The following MAL variants were observed in gnomAD, a reference collection of about 807,000 sequenced individuals.
MAL encodes myelin and lymphocyte protein.
A neutral mutation model predicts 16.7 loss-of-function variants in MAL; 5 were observed. The ratio of observed to expected loss-of-function variants is 0.30; its 90% CI spans 0.16 to 0.63. The LOEUF (loss-of-function observed/expected upper bound fraction) is 0.63. MAL is among the 30% of genes least tolerant of loss of function. MAL has a pLI of 0.82. For synonymous variants in MAL, 96 were observed against 85.5 expected, an observed-to-expected ratio of 1.12 and a Z score of -0.67; for missense variants, 202 against 195.8, an observed-to-expected ratio of 1.03 and a Z score of -0.19.
At chr2:95,030,424 T>C (rs1158950637) in intron 1 of MAL, among the ~76,000 whole-genome samples, 2 of 152,172 alleles carry the variant, frequency 1.3e-5, no homozygotes, top group African/African-American at 4.8e-5. Flanking sequence ...AACTTTTCCT[T>C]TTGGAGCCAC....
intron 1 of MAL, among the ~76,000 whole-genome samples, chr2:95,039,910 C>G (rs1674402948): frequency 6.6e-6 from 1 of 152,160 alleles, no homozygotes; most frequent in Admixed American, 6.5e-5. Context: ...TCCTCCCTCT[C>G]AGATGCATTT....
At chr2:95,049,798 T>C in intron 3 of MAL, 92 bp downstream of exon 3, 5 of 1,537,654 alleles carry the variant, frequency 3.3e-6, no homozygotes, top group Non-Finnish European at 2.6e-6. Flanking sequence ...TGGTCTGTTT[T>C]CAGTTCACTA....
chr2:95,033,959 C>T (rs1328591873), intron 1 of MAL, among the ~76,000 whole-genome samples: 1 of 152,212 alleles, frequency 6.6e-6, no homozygotes, highest in Non-Finnish European at 1.5e-5. Context: ...GACATAGCAG[C>T]ACCTGCCTCA....
At chr2:95,035,112 G>A (rs944294507) in intron 1 of MAL, among the ~76,000 whole-genome samples, 3 of 152,182 alleles carry the variant, frequency 2.0e-5, no homozygotes, top group Non-Finnish European at 2.9e-5. Flanking sequence ...AGAGACTCTG[G>A]GAGTTCCATC....
At chr2:95,038,776 G>A (rs1457730898) in intron 1 of MAL, among the ~76,000 whole-genome samples, 2 of 151,136 alleles carry the variant, frequency 1.3e-5, no homozygotes, top group Non-Finnish European at 3.0e-5. Flanking sequence ...GACTGAGTGA[G>A]TGAGCAAGTG....
chr2:95,040,928 G>C (rs1674447511), intron 1 of MAL, among the ~76,000 whole-genome samples: 1 of 152,212 alleles, frequency 6.6e-6, no homozygotes, highest in African/African-American at 2.4e-5. Flanking sequence ...CGTGCTCGGT[G>C]CTGTTGGGAA....
intron 1 of MAL, among the ~76,000 whole-genome samples, chr2:95,031,867 G>C (rs1674091039): frequency 6.6e-6 from 1 of 152,238 alleles, no homozygotes; most frequent in Non-Finnish European, 1.5e-5. Context: ...AGATTTCACA[G>C]GGGTTTGGTG....
intron 1 of MAL, among the ~76,000 whole-genome samples, chr2:95,031,297 T>C (rs1200364646): frequency 2.6e-5 from 4 of 152,136 alleles, no homozygotes; most frequent in Admixed American, 6.5e-5. Context: ...CTGGCAGCTC[T>C]GGGCAAGGCT....
At chr2:95,052,250 G>A (rs1312017405) in intron 3 of MAL, among the ~76,000 whole-genome samples, 2 of 152,186 alleles carry the variant, frequency 1.3e-5, no homozygotes, top group East Asian at 1.9e-4. Flanking sequence ...CCAGCTCTAC[G>A]TGTTCCCAGT....
At chr2:95,039,867 C>A (rs755346815) in intron 1 of MAL, among the ~76,000 whole-genome samples, 13 of 152,084 alleles carry the variant, frequency 8.5e-5, no homozygotes, top group Non-Finnish European at 1.6e-4. Flanking sequence ...CGGTGTTACT[C>A]CTTGCCTCTC....
intron 1 of MAL, among the ~76,000 whole-genome samples, chr2:95,038,851 AGTGACTGAGTG>A (rs1470825570): frequency 8.2e-5 from 1 of 12,122 alleles, no homozygotes; most frequent in African/African-American, 6.6e-4. Context: ...TGAATGACCG[AGTGACTGAGTG>A]AGTGACTGAG....
intron 1 of MAL, among the ~76,000 whole-genome samples, chr2:95,039,224 GTGAGTGAC>G (rs1349822178): frequency 6.6e-6 from 1 of 150,654 alleles, no homozygotes; most frequent in Admixed American, 6.6e-5. Flanking sequence ...GAGTGAGTGA[GTGAGTGAC>G]TGAGTGACTG....
chr2:95,051,246 G>A (rs1236223502), intron 3 of MAL: 1 of 152,196 alleles, frequency 6.6e-6, no homozygotes, highest in Non-Finnish European at 1.5e-5. Context: ...CCCACAGCTT[G>A]ATGGATTTCA....
At chr2:95,048,872 A>G (rs1003881371) in intron 2 of MAL, among the ~76,000 whole-genome samples, 1 of 152,190 alleles carries the variant, frequency 6.6e-6, no homozygotes, top group Non-Finnish European at 1.5e-5. Context: ...GCTGGAGTGC[A>G]GTGGCGCAAT....
In MAL at chr2:95,048,089, T is replaced by C. The variant is rs756706491; in HGVS notation, c.224T>C (p.Ile75Thr). ...ATTTLIILYI[I>T]GAHGGETSWV... ...ACCACCTTGATCATCCTGTACATAATTGGAGCCCACGGTGGAGAGACTTCC... is the reference window on the plus strand; with the variant it reads ...ACCACCTTGATCATCCTGTACATAACTGGAGCCCACGGTGGAGAGACTTCC... Residue 75 changes from isoleucine to threonine, a missense_variant, in exon 2 of 4, where the codon ATT becomes ACT. Ile to Thr is a moderately conservative substitution (Grantham distance 89). Transcript: ENST00000309988. The C allele has an allele frequency of 1.5e-5, 25 of 1,613,734 alleles. 1 individual carries two copies. The highest frequency in any genetic ancestry group is 1.4e-4 in the South Asian group (13 of 91,082).
At chr2:95,038,239 A>AGTGT (rs1400731054) in intron 1 of MAL, among the ~76,000 whole-genome samples, 1 of 13,220 alleles carries the variant, frequency 7.6e-5, no homozygotes, top group African/African-American at 5.4e-4. Context: ...TGAGTGACTG[A>AGTGT]GTGTGTGAGT....
intron 1 of MAL, among the ~76,000 whole-genome samples, chr2:95,036,421 G>A (rs554300779): frequency 2.8e-4 from 43 of 152,334 alleles, no homozygotes; most frequent in African/African-American, 9.1e-4. Flanking sequence ...ACTTTCACCA[G>A]GCCTGAATCC....
rs201101400 is a variant in MAL, at chr2:95,049,500, CG to C, written c.262-76del. The C allele has an allele frequency of 8.3e-6, 12 of 1,452,006 alleles. 1 individual carries two copies. The highest frequency in any genetic ancestry group is 3.7e-4 in the Middle Eastern group (2 of 5,346). The allele number at this position is 1,452,006 out of a possible 1,614,324, so 89.9% of individuals were successfully genotyped here. ...AGGAAGTGGGGGGAGAGGCAAGGGGCGGGGGTGGAGGGGACCTCAGCTCTGC... is the reference window on the plus strand; with the variant it reads ...AGGAAGTGGGGGGAGAGGCAAGGGGCGGGGTGGAGGGGACCTCAGCTCTGC... On this transcript the variant is annotated intron_variant, in intron 2 of 3. Coordinates refer to ENST00000309988, the MANE Select transcript of MAL (RefSeq NM_002371.4).
chr2:95,025,828 G>C lies in MAL; in HGVS notation c.36G>C (p.Leu12=). 1 of 1,578,070 alleles carries C rather than the reference G, an allele frequency of 6.3e-7. No individual in the cohort carries two copies. The highest frequency in any genetic ancestry group is 8.6e-7 in the Non-Finnish European group (1 of 1,162,700). Residue 12 remains leucine (L), a synonymous_variant, in exon 1 of 4, where the codon CTG becomes CTC. Transcript: ENST00000309988. The surrounding 1 kb of genome is among the most constrained non-coding windows in gnomAD (Gnocchi z 5.6). ...APAAATGGST[L]PSGFSVFTTL... is the part of the protein sequence containing the mutation. ...CAGCGGCGACGGGGGGCAGCACCCTGCCCAGTGGCTTCTCGGTCTTCACCA... is the reference window on the plus strand; with the variant it reads ...CAGCGGCGACGGGGGGCAGCACCCTCCCCAGTGGCTTCTCGGTCTTCACCA...
Sources: gnomAD v4.1 joint callset for allele counts (sites outside exome capture counted in the v4.1 genomes callset) on GRCh38, gnomAD v4.1.1 for gene constraint, Gnocchi (gnomAD v3.1) non-coding constraint, MANE v1.5 for transcripts, NCBI Gene and HGNC (gene_info 2026-07-23, HGNC 2026-07-21) for gene names.